The following TRAPPC9 variants were observed in gnomAD, a reference collection of about 807,000 sequenced individuals.
The protein encoded by TRAPPC9 is trafficking protein particle complex subunit 9.
In TRAPPC9, 83 loss-of-function variants were observed where a neutral mutation model predicts 124.0. The observed-to-expected ratio is 0.67, with a 90% CI of 0.56 to 0.80. The LOEUF is 0.80. TRAPPC9 is among the 30% of genes least tolerant of loss of function. The probability of loss-of-function intolerance (pLI) is 0.00; values close to 1 mark genes in which losing one functional copy is unlikely to be tolerated. For synonymous variants in TRAPPC9, 638 were observed against 617.5 expected (o/e 1.03, Z -0.49); for missense variants, 1,302 against 1,508.3 (o/e 0.86, Z 2.27).
chr8:139,836,420 C>T (rs868733580), intron 21 of TRAPPC9, among the ~76,000 whole-genome samples: 19 of 151,420 alleles, frequency 1.3e-4, no homozygotes, highest in African/African-American at 4.4e-4. Context: ...TCCTGCAATT[C>T]TCCCCAGGGG....
At chr8:140,340,097 T>C (rs1315607538) in intron 9 of TRAPPC9, among the ~76,000 whole-genome samples, 1 of 152,196 alleles carries the variant, frequency 6.6e-6, no homozygotes, top group African/African-American at 2.4e-5. Flanking sequence ...TCCACCCACC[T>C]CAGCCTCCCA....
chr8:140,324,429 G>T (rs1427414785), intron 9 of TRAPPC9, among the ~76,000 whole-genome samples: 1 of 152,124 alleles, frequency 6.6e-6, no homozygotes, highest in Non-Finnish European at 1.5e-5. Flanking sequence ...AGAACAGAAA[G>T]ATTCATGATT....
intron 14 of TRAPPC9, among the ~76,000 whole-genome samples, chr8:140,283,414 T>C (rs1044784294): frequency 1.4e-5 from 2 of 147,492 alleles, no homozygotes; most frequent in Admixed American, 1.4e-4. Flanking sequence ...CCTGCCTCAG[T>C]CTCCTGAGTA....
intron 4 of TRAPPC9, among the ~76,000 whole-genome samples, chr8:140,433,546 A>G (rs2070721895): frequency 1.3e-5 from 2 of 151,964 alleles, no homozygotes; most frequent in Admixed American, 6.6e-5. Flanking sequence ...GCCGAGATTG[A>G]GCCACTGCAC....
At position 139,832,368 on chromosome 8, in the gene TRAPPC9, C is replaced by T. The variant is rs578034431; in HGVS notation, c.3055+53511G>A. 1.6e-4 allele frequency among the ~76,000 whole-genome samples: 24 copies of T among 152,322 alleles called. No individual in the cohort carries two copies. In the South Asian group the frequency reaches 1.7e-3, roughly 11 times the overall value. ...GCACGTACACCATGCAGACAGAATG[C>T]GCGGGGTGTTCGCGTGGAGCAGCTA... is the stretch of plus-strand genomic sequence containing the variant. On this transcript the variant is annotated intron_variant, in intron 21 of 22. Transcript: ENST00000438773.
intron 17 of TRAPPC9, among the ~76,000 whole-genome samples, chr8:140,113,007 A>G (rs574976564): frequency 3.9e-5 from 6 of 152,132 alleles, no homozygotes; most frequent in Middle Eastern, 3.4e-3. Context: ...AGCCAGCCTA[A>G]ATTCCTCTTT....
Position 140,182,677 on chromosome 8 carries a change from GC to G in TRAPPC9, c.2556+38781del, listed in dbSNP as rs1231998222. On this transcript the variant is annotated intron_variant, in intron 17 of 22. Coordinates refer to ENST00000438773, the MANE Select transcript of TRAPPC9 (RefSeq NM_001160372.4). This position sits in a 1 kb window ranked among gnomAD's most constrained non-coding sequence, Gnocchi z 4.0. The stretch of plus-strand genomic sequence containing the variant: ...AGGAGCTGGCAGAACAAATCTTTGT[GC>G]CATTTGAGAGCTTACTTTAAGAAAT... Among the ~76,000 whole-genome samples the G allele has an allele frequency of 6.6e-6, 1 of 152,138 alleles. No homozygotes were observed. Among genetic ancestry groups the G allele is most frequent in the Non-Finnish European group, 1.5e-5 (1 of 68,020 alleles).
intron 9 of TRAPPC9, among the ~76,000 whole-genome samples, chr8:140,357,483 G>A (rs904976680): frequency 1.4e-4 from 21 of 152,070 alleles, no homozygotes; most frequent in African/African-American, 5.1e-4. Flanking sequence ...GGGGCAGAGG[G>A]ACATGCCATG....
In TRAPPC9 at chr8:139,964,836, C is replaced by G. The variant is rs192988988; in HGVS notation, c.2810+23890G>C. Among the ~76,000 whole-genome samples the G allele has an allele frequency of 1.9e-3, 295 of 152,294 alleles. 1 individual carries two copies. The highest frequency in any genetic ancestry group is 3.2e-3 in the Non-Finnish European group (219 of 68,026). On this transcript the variant is annotated intron_variant, in intron 19 of 22. Transcript: ENST00000438773. ...CCTAAAGTACTATTCCCACCAAGGACCTTAGACCCCAGTGCTGCTCATACA... is the reference window on the plus strand; with the variant it reads ...CCTAAAGTACTATTCCCACCAAGGAGCTTAGACCCCAGTGCTGCTCATACA...
intron 16 of TRAPPC9, among the ~76,000 whole-genome samples, chr8:140,251,409 T>C (rs1299725253): frequency 1.3e-5 from 2 of 152,274 alleles, no homozygotes; most frequent in African/African-American, 2.4e-5. Flanking sequence ...TTTTAAGTCT[T>C]GGTATAATTT....
At chr8:139,887,237 T>A (rs1245457259) in intron 20 of TRAPPC9, among the ~76,000 whole-genome samples, 2 of 149,804 alleles carry the variant, frequency 1.3e-5, no homozygotes, top group Non-Finnish European at 3.0e-5. Context: ...TTTTTTTTTT[T>A]AGAGACAGAA....
chr8:139,894,326 C>G (rs1460933930), intron 20 of TRAPPC9, among the ~76,000 whole-genome samples: 2 of 152,192 alleles, frequency 1.3e-5, no homozygotes, highest in Non-Finnish European at 2.9e-5. Flanking sequence ...AATGCCAACC[C>G]CCAACGAGAC....
intron 17 of TRAPPC9, among the ~76,000 whole-genome samples, chr8:140,071,000 C>G (rs1843133201): frequency 6.6e-6 from 1 of 152,220 alleles, no homozygotes; most frequent in African/African-American, 2.4e-5. Flanking sequence ...GGGAGCAGGA[C>G]CACCAAGCGT....
At chr8:140,350,993 G>A (rs943004828) in intron 9 of TRAPPC9, among the ~76,000 whole-genome samples, 5 of 151,898 alleles carry the variant, frequency 3.3e-5, no homozygotes, top group African/African-American at 9.7e-5. Context: ...AGGAGATGAC[G>A]GCAAATTAAA....
intron 21 of TRAPPC9, among the ~76,000 whole-genome samples, chr8:139,772,518 C>T (rs76278595): frequency 0.016 from 2,453 of 152,288 alleles, 49 homozygotes; most frequent in South Asian, 0.11. Context: ...CTGTGAGCTC[C>T]CCAGGCGTCT....
intron 2 of TRAPPC9, among the ~76,000 whole-genome samples, chr8:140,443,292 C>T (rs1035560622): frequency 8.0e-5 from 12 of 149,836 alleles, no homozygotes; most frequent in East Asian, 4.0e-4. Context: ...AAAAATTAGC[C>T]AGGCGTGGTG....
chr8:140,239,304 C>T lies in TRAPPC9; in HGVS notation c.2431+13473G>A, dbSNP rs181240461. Reference sequence around the variant, plus strand: ...AGCACATGAGGACGTCTGGAGAGACCGAGCCTAGGAACAAAGTGTAAGAGG... The same window carrying T: ...AGCACATGAGGACGTCTGGAGAGACTGAGCCTAGGAACAAAGTGTAAGAGG... On this transcript the variant is annotated intron_variant, in intron 16 of 22. Coordinates refer to ENST00000438773, the MANE Select transcript of TRAPPC9 (RefSeq NM_001160372.4). 3.0e-3 allele frequency among the ~76,000 whole-genome samples: 460 copies of T among 152,218 alleles called. 1 individual carries two copies. Among genetic ancestry groups the T allele is most frequent in the Non-Finnish European group, 4.2e-3 (283 of 68,012 alleles).
intron 21 of TRAPPC9, among the ~76,000 whole-genome samples, chr8:139,734,471 TTA>T (rs1818029890): frequency 6.6e-6 from 1 of 152,178 alleles, no homozygotes; most frequent in Admixed American, 6.5e-5. Context: ...AATTCTGAGT[TTA>T]TGTTCCTGGA....
intron 16 of TRAPPC9, among the ~76,000 whole-genome samples, chr8:140,249,226 T>G (rs1473920645): frequency 6.6e-6 from 1 of 152,162 alleles, no homozygotes. Context: ...CTGCCACCTT[T>G]ATGTCTGTGA....
Sources: gnomAD v4.1 joint callset for allele counts (sites outside exome capture counted in the v4.1 genomes callset) on GRCh38, gnomAD v4.1.1 for gene constraint, Gnocchi (gnomAD v3.1) non-coding constraint, MANE v1.5 for transcripts, NCBI Gene and HGNC (gene_info 2026-07-23, HGNC 2026-07-21) for gene names.